The following ARIH1 variants were observed in gnomAD, a reference collection of about 807,000 sequenced individuals.
ARIH1 encodes the protein E3 ubiquitin-protein ligase ARIH1.
ARIH1 carries 8 observed loss-of-function variants against 85.0 expected under a neutral mutation model. The observed-to-expected ratio is 0.09, with a 90% CI of 0.06 to 0.17. The LOEUF is 0.17. ARIH1 is among the 10% of genes least tolerant of loss of function. The probability of loss-of-function intolerance (pLI) is 1.00; values close to 1 mark genes in which losing one functional copy is unlikely to be tolerated. For synonymous variants in ARIH1, 238 were observed against 253.6 expected (o/e 0.94, Z 0.59); for missense variants, 311 against 718.1 (o/e 0.43, Z 6.48).
intron 1 of ARIH1, among the ~76,000 whole-genome samples, chr15:72,488,552 C>T (rs1726266613): frequency 6.6e-6 from 1 of 152,090 alleles, no homozygotes; most frequent in Non-Finnish European, 1.5e-5. Context: ...TATAGCTATC[C>T]CTATATCCAA....
rs748754557 is a variant in ARIH1 at position 72,519,629 on chromosome 15, G to A, written c.443+1495G>A. On this transcript the variant is annotated intron_variant, in intron 2 of 13. Transcript: ENST00000379887. ...CTCCCAAGTAACTGGGATTACAGGC[G>A]CCCTCCACCATGCCTGGCTAATTTT... Among the ~76,000 whole-genome samples the A allele has an allele frequency of 7.3e-5, 11 of 151,518 alleles. No individual in the cohort carries two copies. In the South Asian group the frequency reaches 8.4e-4, roughly 12 times the overall value.
intron 2 of ARIH1, among the ~76,000 whole-genome samples, chr15:72,524,022 C>T (rs1367712360): frequency 7.6e-6 from 1 of 131,682 alleles, no homozygotes; most frequent in Non-Finnish European, 1.5e-5. Context: ...TCTCGGCTCA[C>T]TGTAAGCTCC....
intron 3 of ARIH1, among the ~76,000 whole-genome samples, chr15:72,546,824 C>T (rs377081836): frequency 4.7e-5 from 7 of 150,362 alleles, no homozygotes; most frequent in Admixed American, 6.6e-5. Context: ...TGTCTGAGCT[C>T]AAGCAGTCTG....
At chr15:72,488,646 A>G (rs1007534816) in intron 1 of ARIH1, among the ~76,000 whole-genome samples, 1 of 152,260 alleles carries the variant, frequency 6.6e-6, no homozygotes, top group Non-Finnish European at 1.5e-5. Flanking sequence ...CTTCTCTGAC[A>G]GAAGAAACTC....
chr15:72,490,315 A>G (rs1440314670), intron 1 of ARIH1, among the ~76,000 whole-genome samples: 3 of 152,060 alleles, frequency 2.0e-5, no homozygotes, highest in Non-Finnish European at 2.9e-5. Context: ...GGAGTTCCCA[A>G]TCCTCAGGCT....
At chr15:72,519,473 T>TTGTGTTTTTTTTG (rs1223294947) in intron 2 of ARIH1, among the ~76,000 whole-genome samples, 1 of 120,394 alleles carries the variant, frequency 8.3e-6, no homozygotes, top group African/African-American at 2.9e-5. Context: ...CATGTTTTTT[T>TTGTGTTTTTTTTG]TGTTTTTTTT....
intron 2 of ARIH1, among the ~76,000 whole-genome samples, chr15:72,521,352 A>C (rs1306323821): frequency 6.6e-6 from 1 of 151,988 alleles, no homozygotes. Context: ...AATATACTGA[A>C]ACTTACTGTA....
chr15:72,481,272 C>T (rs1332427868), intron 1 of ARIH1, among the ~76,000 whole-genome samples: 1 of 152,132 alleles, frequency 6.6e-6, no homozygotes, highest in Non-Finnish European at 1.5e-5. Flanking sequence ...TTTTAACAAG[C>T]CTTCTAGGTG....
At chr15:72,546,700 GT>G (rs1054511579) in intron 3 of ARIH1, among the ~76,000 whole-genome samples, 1 of 150,960 alleles carries the variant, frequency 6.6e-6, no homozygotes, top group Non-Finnish European at 1.5e-5. Flanking sequence ...TTGTTTGTTT[GT>G]TTTTTTTGTA....
chr15:72,555,204 G>T, intron 3 of ARIH1, 67 bp from the exon 4 acceptor site: 1 of 1,152,820 alleles, frequency 8.7e-7, no homozygotes, highest in Non-Finnish European at 1.3e-6. Flanking sequence ...GAGCCCTGTT[G>T]AGTCACTGTT....
chr15:72,581,583 A>T (rs917478262), intron 12 of ARIH1: 1 of 159,674 alleles, frequency 6.3e-6, no homozygotes, highest in Non-Finnish European at 1.4e-5. Flanking sequence ...ATATCTGTAT[A>T]TGACTAGACA....
intron 1 of ARIH1, among the ~76,000 whole-genome samples, chr15:72,499,324 GAAAA>G (rs540648344): frequency 0.017 from 2,418 of 140,614 alleles, 53 homozygotes; most frequent in African/African-American, 0.059. Flanking sequence ...TTATTTGTAA[GAAAA>G]AAAAAAAGCA....
At chr15:72,534,277 C>T (rs2064070977) in intron 2 of ARIH1, among the ~76,000 whole-genome samples, 1 of 151,382 alleles carries the variant, frequency 6.6e-6, no homozygotes, top group Non-Finnish European at 1.5e-5. Context: ...TTTAAGGATG[C>T]ATATTTAGGT....
In ARIH1 at chr15:72,601,354, A is replaced by G. The variant is rs1270660451; in HGVS notation, c.*18062A>G. The stretch of plus-strand genomic sequence containing the variant: ...CTAGTGCCTTCCCAATGCCCTTAAA[A>G]TAAAATTCCTCATATGGCCTTTGTG... On this transcript the variant is annotated 3_prime_UTR_variant, in exon 14 of 14. Transcript: ENST00000379887. The G allele has an allele frequency of 6.6e-6, 1 of 152,220 alleles. No individual in the cohort carries two copies. Among genetic ancestry groups the G allele is most frequent in the Non-Finnish European group, 1.5e-5 (1 of 68,054 alleles). 9.4% of individuals were successfully genotyped at this position (152,220 alleles called of 1,614,324 possible).
intron 1 of ARIH1, among the ~76,000 whole-genome samples, chr15:72,492,917 A>G (rs148996744): frequency 5.2e-4 from 79 of 152,306 alleles, no homozygotes; most frequent in African/African-American, 1.7e-3. Flanking sequence ...AAGCTTGCCT[A>G]ATCTTTGATT....
chr15:72,553,184 T>C (rs550139724), intron 3 of ARIH1, among the ~76,000 whole-genome samples: 139 of 152,342 alleles, frequency 9.1e-4, no homozygotes, highest in African/African-American at 3.2e-3. Flanking sequence ...AGGTAAATTA[T>C]GGCAAAATGT....
chr15:72,530,082 A>C (rs2064049018), intron 2 of ARIH1, among the ~76,000 whole-genome samples: 2 of 152,220 alleles, frequency 1.3e-5, no homozygotes, highest in Non-Finnish European at 2.9e-5. Context: ...CAGAGGGTAG[A>C]TGGAAAGAGA....
chr15:72,590,971 C>T lies in ARIH1; in HGVS notation c.*7679C>T, dbSNP rs1402437677. The T allele has an allele frequency of 6.6e-6, 1 of 152,034 alleles. No homozygotes were observed. 9.4% of individuals were successfully genotyped at this position (152,034 alleles called of 1,614,324 possible). A position where few individuals can be genotyped will look rare whatever the true frequency, so the allele number is the denominator to read the frequency against. ...GGCATGGCGGCTTACACCTTGTAATCCCAGCACTTTAGGAGGCTGAGGCAG... is the reference window on the plus strand; with the variant it reads ...GGCATGGCGGCTTACACCTTGTAATTCCAGCACTTTAGGAGGCTGAGGCAG... On this transcript the variant is annotated 3_prime_UTR_variant, in exon 14 of 14. Transcript: ENST00000379887.
At chr15:72,533,444 G>T (rs1567349090) in intron 2 of ARIH1, among the ~76,000 whole-genome samples, 1 of 152,174 alleles carries the variant, frequency 6.6e-6, no homozygotes, top group South Asian at 2.1e-4. Flanking sequence ...AATATTCACT[G>T]ACAATGTGAT....
Sources: allele counts gnomAD v4.1 joint callset (sites outside exome capture counted in the v4.1 genomes callset), GRCh38; gene constraint gnomAD v4.1.1; transcripts MANE v1.5; gene names NCBI Gene and HGNC (gene_info 2026-07-23, HGNC 2026-07-21).